Variants in NCALD observed in about 807,000 individuals in gnomAD.
NCALD encodes neurocalcin delta.
A neutral mutation model predicts 18.6 loss-of-function variants in NCALD; 10 were observed. That is an observed-to-expected ratio of 0.54 (90% CI 0.33 to 0.91). The LOEUF (loss-of-function observed/expected upper bound fraction) is 0.91, where lower values mean the gene tolerates loss of function less well. Among genes scored for constraint, NCALD ranks in the 40% least tolerant of loss-of-function variants. NCALD has a pLI of 0.03. For missense variants in NCALD, 184 were observed against 247.6 expected (o/e 0.74, Z 1.72); for synonymous variants, 88 against 87.4 (o/e 1.01, Z -0.04).
intron 4 of NCALD, among the ~76,000 whole-genome samples, chr8:101,848,251 G>T (rs113888578): frequency 1.2e-3 from 177 of 152,228 alleles, no homozygotes; most frequent in African/African-American, 4.1e-3. Context: ...GCACCTCAGG[G>T]TCTCCACGGA....
chr8:101,862,184 C>T (rs1455776527), intron 4 of NCALD, among the ~76,000 whole-genome samples: 1 of 152,138 alleles, frequency 6.6e-6, no homozygotes, highest in Non-Finnish European at 1.5e-5. Flanking sequence ...AAAGGATTGA[C>T]TTTCACAGAC....
At chr8:101,707,256 A>G (rs1815572258) in intron 2 of NCALD, among the ~76,000 whole-genome samples, 1 of 152,190 alleles carries the variant, frequency 6.6e-6, no homozygotes, top group Admixed American at 6.5e-5. Context: ...ATGTGCTTCT[A>G]AAAAGAATAT....
chr8:101,740,188 G>A lies in NCALD; in HGVS notation c.-19-20540C>T, dbSNP rs192930831. 4.7e-4 allele frequency among the ~76,000 whole-genome samples: 72 copies of A among 152,292 alleles called. 1 individual carries two copies. In the East Asian group the frequency reaches 0.013, roughly 28 times the overall value. On this transcript the variant is annotated intron_variant, in intron 1 of 3. Transcript: ENST00000220931. The stretch of plus-strand genomic sequence containing the variant: ...GACACTGCTTTTAGAATCATGTACA[G>A]GGTCTCTTTTAAACACTCACTGTTA...
At chr8:101,961,186 G>C (rs994014205) in intron 2 of NCALD, among the ~76,000 whole-genome samples, 3 of 152,178 alleles carry the variant, frequency 2.0e-5, no homozygotes, top group African/African-American at 7.2e-5. Flanking sequence ...AGCTATTACA[G>C]ATGGTTTGAT....
intron 3 of NCALD, among the ~76,000 whole-genome samples, chr8:101,910,164 A>T (rs1022247970): frequency 6.6e-6 from 1 of 152,158 alleles, no homozygotes; most frequent in Non-Finnish European, 1.5e-5. Flanking sequence ...GACCTCTGAG[A>T]TGGGAAAAGT....
chr8:102,095,675 A>G (rs1310214713), intron 1 of NCALD, among the ~76,000 whole-genome samples: 1 of 152,218 alleles, frequency 6.6e-6, no homozygotes, highest in Non-Finnish European at 1.5e-5. Flanking sequence ...AACCCAAGCC[A>G]AGACAGTATT....
intron 1 of NCALD, among the ~76,000 whole-genome samples, chr8:101,774,987 T>C (rs1375340569): frequency 6.6e-6 from 1 of 152,164 alleles, no homozygotes; most frequent in East Asian, 1.9e-4. Context: ...CCAGTTCTGT[T>C]GGGAGCTTCG....
intron 1 of NCALD, among the ~76,000 whole-genome samples, chr8:101,749,157 A>T (rs769078842): frequency 6.6e-6 from 1 of 152,222 alleles, no homozygotes; most frequent in Admixed American, 6.5e-5. Flanking sequence ...TCCACAGTGG[A>T]TTAGAAATAA....
chr8:102,000,949 A>T (rs1821433206), intron 2 of NCALD, among the ~76,000 whole-genome samples: 1 of 152,236 alleles, frequency 6.6e-6, no homozygotes, highest in Non-Finnish European at 1.5e-5. Flanking sequence ...AAAAACTGAA[A>T]AATCTAAAAA....
intron 2 of NCALD, among the ~76,000 whole-genome samples, chr8:101,971,109 C>A (rs1820224607): frequency 6.6e-6 from 1 of 152,150 alleles, no homozygotes; most frequent in Admixed American, 6.6e-5. Context: ...TGGAACCATA[C>A]CCTGGGACTT....
At chr8:101,858,298 G>A (rs956443753) in intron 4 of NCALD, among the ~76,000 whole-genome samples, 10 of 152,124 alleles carry the variant, frequency 6.6e-5, no homozygotes, top group East Asian at 1.9e-4. Flanking sequence ...CATCTGCAGC[G>A]ATTGAAGTCA....
chr8:101,944,004 G>T (rs949619035), intron 2 of NCALD, among the ~76,000 whole-genome samples: 3 of 151,808 alleles, frequency 2.0e-5, no homozygotes, highest in African/African-American at 4.8e-5. Flanking sequence ...AAAAACAGGG[G>T]CAACTTGTCC....
intron 2 of NCALD, among the ~76,000 whole-genome samples, chr8:101,712,767 A>G (rs908562999): frequency 7.9e-5 from 12 of 152,192 alleles, no homozygotes; most frequent in African/African-American, 2.4e-5. Context: ...AGGAGCACCC[A>G]GATTCATAAA....
At chr8:101,870,471 T>C (rs1218408844) in intron 4 of NCALD, among the ~76,000 whole-genome samples, 1 of 152,234 alleles carries the variant, frequency 6.6e-6, no homozygotes, top group African/African-American at 2.4e-5. Flanking sequence ...GTGCACTTAA[T>C]AATCTTTTTT....
At chr8:102,076,481 A>C (rs558514377) in intron 1 of NCALD, among the ~76,000 whole-genome samples, 1 of 152,372 alleles carries the variant, frequency 6.6e-6, no homozygotes, top group South Asian at 2.1e-4. Flanking sequence ...TAGCAGCTAC[A>C]TAAGATTTGC....
At chr8:102,082,792 G>T (rs78318116) in intron 1 of NCALD, among the ~76,000 whole-genome samples, 9,363 of 152,236 alleles carry the variant, frequency 0.062, 427 homozygotes, top group Non-Finnish European at 0.094. Context: ...GGCCGTAAGA[G>T]GCTGAGCTCT....
chr8:101,884,067 T>C (rs918775521), intron 4 of NCALD, among the ~76,000 whole-genome samples: 1 of 152,236 alleles, frequency 6.6e-6, no homozygotes, highest in South Asian at 2.1e-4. Context: ...CCCCATAGGA[T>C]GCCCGCCTTG....
At chr8:101,837,419 A>T (rs1814459041) in intron 4 of NCALD, among the ~76,000 whole-genome samples, 1 of 151,892 alleles carries the variant, frequency 6.6e-6, no homozygotes, top group Non-Finnish European at 1.5e-5. Context: ...CGTTATTTAC[A>T]ACATTTGGAT....
At chr8:102,038,812 T>A (rs1435735751) in intron 1 of NCALD, among the ~76,000 whole-genome samples, 1 of 152,086 alleles carries the variant, frequency 6.6e-6, no homozygotes, top group Non-Finnish European at 1.5e-5. Flanking sequence ...GTAAGAATGA[T>A]AGGATGGTCA....
Sources: allele counts gnomAD v4.1 joint callset (sites outside exome capture counted in the v4.1 genomes callset), GRCh38; gene constraint gnomAD v4.1.1; transcripts MANE v1.5; gene names NCBI Gene and HGNC (gene_info 2026-07-23, HGNC 2026-07-21).